Variants in LPAR1 observed in about 807,000 individuals in gnomAD.
LPAR1 encodes LPA receptor 1.
LPAR1 carries 5 observed loss-of-function variants against 23.8 expected under a neutral mutation model. That is an observed-to-expected ratio of 0.21 (90% CI 0.11 to 0.44). The LOEUF (loss-of-function observed/expected upper bound fraction) is 0.44. Ranked by LOEUF, LPAR1 falls within the 20% of genes least tolerant of loss-of-function variation. The pLI is 0.99. For missense variants in LPAR1, 311 were observed against 482.8 expected, an observed-to-expected ratio of 0.64 and a Z score of 3.33; for synonymous variants, 160 against 164.7, an observed-to-expected ratio of 0.97 and a Z score of 0.22.
At chr9:111,024,432 T>C (rs1386602172) in intron 2 of LPAR1, among the ~76,000 whole-genome samples, 2 of 147,596 alleles carry the variant, frequency 1.4e-5, no homozygotes, top group African/African-American at 4.9e-5. Context: ...TATATATACA[T>C]ATATAATTTT....
chr9:111,020,833 A>G (rs964613693), intron 2 of LPAR1, among the ~76,000 whole-genome samples: 21 of 152,138 alleles, frequency 1.4e-4, no homozygotes, highest in African/African-American at 3.6e-4. Flanking sequence ...TTAACAACAA[A>G]TTAAAAAAAT....
At chr9:110,917,199 A>T (rs1345263522) in intron 5 of LPAR1, among the ~76,000 whole-genome samples, 2 of 151,254 alleles carry the variant, frequency 1.3e-5, no homozygotes, top group Non-Finnish European at 2.9e-5. Flanking sequence ...AAAAAAAAAA[A>T]TTAGCCAGGC....
intron 2 of LPAR1, among the ~76,000 whole-genome samples, chr9:111,005,415 G>A (rs1399691891): frequency 1.3e-5 from 2 of 151,516 alleles, no homozygotes; most frequent in East Asian, 1.9e-4. Flanking sequence ...GTGTGGTGGT[G>A]TGTGACTGTG....
intron 5 of LPAR1, among the ~76,000 whole-genome samples, chr9:110,882,056 C>T (rs980450519): frequency 6.6e-6 from 1 of 152,188 alleles, no homozygotes; most frequent in African/African-American, 2.4e-5. Context: ...TATTAAATGT[C>T]GCTTTCTTAA....
chr9:111,028,577 A>T (rs141422485), intron 2 of LPAR1, among the ~76,000 whole-genome samples: 105 of 152,166 alleles, frequency 6.9e-4, no homozygotes, highest in African/African-American at 2.4e-3. Flanking sequence ...CATGCCAATA[A>T]AATTATCTAA....
At chr9:110,905,871 T>C (rs1241613288) in intron 5 of LPAR1, among the ~76,000 whole-genome samples, 1 of 152,198 alleles carries the variant, frequency 6.6e-6, no homozygotes, top group Admixed American at 6.5e-5. Flanking sequence ...CTGCGTGTCC[T>C]GGCTCAATAC....
intron 5 of LPAR1, among the ~76,000 whole-genome samples, chr9:110,905,105 T>C (rs1402755451): frequency 6.6e-6 from 1 of 152,200 alleles, no homozygotes; most frequent in Admixed American, 6.5e-5. Context: ...CGGCATCCTT[T>C]TAGATCAACT....
chr9:110,925,484 T>G (rs564276094), intron 5 of LPAR1, among the ~76,000 whole-genome samples: 6 of 152,134 alleles, frequency 3.9e-5, no homozygotes, highest in African/African-American at 1.4e-4. Flanking sequence ...TCTACATCAT[T>G]GATTGAATGA....
intron 2 of LPAR1, among the ~76,000 whole-genome samples, chr9:111,021,182 T>C (rs1252520838): frequency 2.0e-5 from 3 of 152,184 alleles, no homozygotes; most frequent in Non-Finnish European, 4.4e-5. Context: ...AAACTTCCAG[T>C]TATGAGTAAG....
chr9:110,946,274 A>C (rs1264811614), intron 4 of LPAR1, among the ~76,000 whole-genome samples: 1 of 152,120 alleles, frequency 6.6e-6, no homozygotes, highest in African/African-American at 2.4e-5. Context: ...GAACCTGAAA[A>C]ACACAGCTCC....
Position 110,955,941 on chromosome 9 carries a change from T to C in LPAR1, c.46-13773A>G, listed in dbSNP as rs576991325. ...AAATTTATAGCAATAAATTCCTACA[T>C]CAAAAAACTAGAAAGATTTCCAATA... On this transcript the variant is annotated intron_variant, in intron 4 of 5. Coordinates refer to ENST00000683809, the MANE Select transcript of LPAR1 (RefSeq NM_001351411.2). Among the ~76,000 whole-genome samples the C allele has an allele frequency of 6.3e-4, 95 of 151,480 alleles. No individual in the cohort carries two copies. In the South Asian group the frequency reaches 0.011, roughly 18 times the overall value.
intron 5 of LPAR1, among the ~76,000 whole-genome samples, chr9:110,911,408 T>G (rs1173984908): frequency 6.6e-6 from 1 of 152,080 alleles, no homozygotes; most frequent in Non-Finnish European, 1.5e-5. Context: ...CCAGGCATGG[T>G]GGTTCACACC....
At chr9:110,897,559 G>A (rs972451580) in intron 5 of LPAR1, among the ~76,000 whole-genome samples, 11 of 152,152 alleles carry the variant, frequency 7.2e-5, no homozygotes, top group African/African-American at 2.4e-4. Flanking sequence ...CATCTTATAG[G>A]GAGAAACTTT....
intron 2 of LPAR1, among the ~76,000 whole-genome samples, chr9:110,976,285 G>A (rs1305714521): frequency 1.4e-5 from 2 of 147,140 alleles, no homozygotes; most frequent in Admixed American, 6.9e-5. Context: ...GAGGTCAGGA[G>A]TTCAAGACCA....
intron 5 of LPAR1, among the ~76,000 whole-genome samples, chr9:110,907,675 A>C (rs1452543460): frequency 6.6e-6 from 1 of 152,158 alleles, no homozygotes; most frequent in Non-Finnish European, 1.5e-5. Flanking sequence ...ACTACAGGTT[A>C]CTATTTTCTT....
chr9:110,978,199 G>A (rs767474801), intron 2 of LPAR1, among the ~76,000 whole-genome samples: 1 of 152,100 alleles, frequency 6.6e-6, no homozygotes. Flanking sequence ...AAAGAAATAT[G>A]AGACCAGAAA....
At chr9:110,930,749 C>G (rs527521934) in intron 5 of LPAR1, among the ~76,000 whole-genome samples, 1 of 151,992 alleles carries the variant, frequency 6.6e-6, no homozygotes, top group African/African-American at 2.4e-5. Flanking sequence ...AACCCCGTCT[C>G]TACTAAAACT....
chr9:111,017,539 T>C (rs1303488560), intron 2 of LPAR1, among the ~76,000 whole-genome samples: 3 of 152,162 alleles, frequency 2.0e-5, no homozygotes, highest in Non-Finnish European at 4.4e-5. Context: ...TAGAAGAAAA[T>C]TGAGCTTATG....
chr9:111,023,073 A>C (rs924874157), intron 2 of LPAR1, among the ~76,000 whole-genome samples: 2 of 149,758 alleles, frequency 1.3e-5, no homozygotes, highest in South Asian at 2.1e-4. Context: ...AAAAAAAAAA[A>C]AAAACCCTGC....
Sources: allele counts gnomAD v4.1 joint callset (sites outside exome capture counted in the v4.1 genomes callset), GRCh38; gene constraint gnomAD v4.1.1; transcripts MANE v1.5; gene names NCBI Gene and HGNC (gene_info 2026-07-23, HGNC 2026-07-21).